Variants in RGSL1 observed in about 807,000 individuals in gnomAD.
The protein encoded by RGSL1 is regulator of G protein signaling like 1.
A neutral mutation model predicts 124.7 loss-of-function variants in RGSL1; 97 were observed. That is an observed-to-expected ratio of 0.78 (90% CI 0.66 to 0.92). The LOEUF is 0.92. Among genes scored for constraint, RGSL1 ranks in the 40% least tolerant of loss-of-function variants. RGSL1 has a pLI of 0.00. For synonymous variants in RGSL1, 424 were observed against 438.1 expected, an observed-to-expected ratio of 0.97 and a Z score of 0.40; for missense variants, 1,233 against 1,288.4, an observed-to-expected ratio of 0.96 and a Z score of 0.66.
intron 9 of RGSL1, among the ~76,000 whole-genome samples, chr1:182,517,453 T>A (rs1456533127): frequency 1.3e-5 from 2 of 152,116 alleles, no homozygotes; most frequent in East Asian, 1.9e-4. Context: ...TATTTTTTTT[T>A]AAATAAATCT....
At chr1:182,548,670 G>A in intron 16 of RGSL1, 30 bp from the exon 17 acceptor site, 3 of 1,550,300 alleles carry the variant, frequency 1.9e-6, no homozygotes, top group Non-Finnish European at 2.6e-6. Context: ...TGGAGCCTCT[G>A]CCAGTGACAG....
At chr1:182,449,009 ACT>A (rs1651637197), upstream of RGSL1, among the ~76,000 whole-genome samples, 1 of 152,052 alleles carries the variant, frequency 6.6e-6, no homozygotes, top group Non-Finnish European at 1.5e-5. Flanking sequence ...GGAGACCTTG[ACT>A]CTATTTATTT....
Position 182,556,114 on chromosome 1 carries a change from A to G in RGSL1, c.*57A>G. ...CTCTTAGAGGCCTCCTAACACTGAC[A>G]GAAACTTTTCTGGTCAAAAATGAAA... On this transcript the variant is annotated 3_prime_UTR_variant, in exon 21 of 22. Transcript: ENST00000294854. 1 of 1,491,248 alleles carries G rather than the reference A, an allele frequency of 6.7e-7. No homozygotes were observed. Among genetic ancestry groups the G allele is most frequent in the Non-Finnish European group, 9.1e-7 (1 of 1,101,146 alleles). 92.4% of individuals were successfully genotyped at this position (1,491,248 alleles called of 1,614,324 possible). A position where few individuals can be genotyped will look rare whatever the true frequency, so the allele number is the denominator to read the frequency against.
chr1:182,529,077 T>C (rs1449825543), intron 11 of RGSL1, among the ~76,000 whole-genome samples: 1 of 152,194 alleles, frequency 6.6e-6, no homozygotes, highest in Admixed American at 6.5e-5. Context: ...ATGGGGATTA[T>C]TACAATTCAA....
chr1:182,450,334 T>TC, intron 1 of RGSL1, 156 bp downstream of exon 1: 1 of 790,076 alleles, frequency 1.3e-6, no homozygotes, highest in Non-Finnish European at 2.1e-6. Flanking sequence ...TTCTCCTTCT[T>TC]CCCCTTCCTC....
intron 12 of RGSL1, among the ~76,000 whole-genome samples, 177 bp downstream of exon 12, chr1:182,530,538 T>TACACACACACACACACACACACAC (rs34247322): frequency 6.7e-6 from 1 of 149,140 alleles, no homozygotes; most frequent in Non-Finnish European, 1.5e-5. Context: ...CACACACACA[T>TACACACACACACACACACACACAC]ACACACACAC....
At chr1:182,541,444 T>C (rs1249622431) in intron 15 of RGSL1, among the ~76,000 whole-genome samples, 3 of 152,224 alleles carry the variant, frequency 2.0e-5, no homozygotes, top group Non-Finnish European at 4.4e-5. Context: ...ATTGTGTATC[T>C]GTATACACCA....
chr1:182,558,295 G>A (rs1660978379), intron 21 of RGSL1, among the ~76,000 whole-genome samples: 1 of 152,102 alleles, frequency 6.6e-6, no homozygotes, highest in Admixed American at 6.5e-5. Context: ...AGATCCAGGG[G>A]CCACTGCCGT....
At position 182,551,120 on chromosome 1, in the gene RGSL1, C is replaced by A; in HGVS notation, c.2954C>A (p.Thr985Asn). Residue 985 changes from threonine to asparagine, a missense_variant, in exon 18 of 22, where the codon ACC becomes AAC. Thr to Asn is a moderately conservative substitution (Grantham distance 65). Coordinates refer to ENST00000294854, the MANE Select transcript of RGSL1 (RefSeq NM_001137669.2). ...FWKRFCFWKA[T>N]RSYLQYRGKK... ...CACAGGTTTTGTTTCTGGAAGGCAA[C>A]CCGCTCTTACTTACAGTATAGGGGG... The A allele has an allele frequency of 6.4e-7, 1 of 1,551,666 alleles. No homozygotes were observed. The highest frequency in any genetic ancestry group is 8.7e-7 in the Non-Finnish European group (1 of 1,146,964).
chr1:182,502,420 T>G (rs1000458385), intron 9 of RGSL1, among the ~76,000 whole-genome samples: 3 of 152,070 alleles, frequency 2.0e-5, no homozygotes, highest in Non-Finnish European at 4.4e-5. Flanking sequence ...TACAAAAAAT[T>G]AAAAAATTAA....
chr1:182,472,498 T>C lies in RGSL1; in HGVS notation c.404T>C (p.Leu135Pro), dbSNP rs1321294608. ...RDYYLSLLLM[L>P]RATHLQEGSR... Reference sequence around the variant, plus strand: ...TACTACCTGTCCCTCCTCCTCATGCTGAGGGCCACTCATCTGCAGGAGGGC... The same window carrying C: ...TACTACCTGTCCCTCCTCCTCATGCCGAGGGCCACTCATCTGCAGGAGGGC... Residue 135 changes from leucine (L) to proline (P), a missense_variant, in exon 5 of 22, where the codon CTG becomes CCG. Coordinates refer to ENST00000294854, the MANE Select transcript of RGSL1 (RefSeq NM_001137669.2). 2 of 1,550,862 alleles carry C rather than the reference T, an allele frequency of 1.3e-6. No homozygotes were observed. The highest frequency in any genetic ancestry group is 4.9e-5 in the East Asian group (2 of 40,920).
At chr1:182,544,086 ATT>A (rs1660058323) in intron 15 of RGSL1, among the ~76,000 whole-genome samples, 1 of 151,918 alleles carries the variant, frequency 6.6e-6, no homozygotes, top group South Asian at 2.1e-4. Context: ...TGAGGGCAAC[ATT>A]AGGTTGTTTA....
chr1:182,449,590 G>C (rs547202412), upstream of RGSL1, among the ~76,000 whole-genome samples: 1 of 152,182 alleles, frequency 6.6e-6, no homozygotes, highest in Non-Finnish European at 1.5e-5. Flanking sequence ...AGCCTGAAGA[G>C]TCTTCAGAGG....
intron 21 of RGSL1, among the ~76,000 whole-genome samples, chr1:182,556,946 T>A (rs979242615): frequency 4.1e-4 from 63 of 152,202 alleles, no homozygotes; most frequent in African/African-American, 1.5e-3. Context: ...ACTGGAAAGC[T>A]TTTTGGAGAA....
rs1465446260 is a variant in RGSL1 at position 182,553,505 on chromosome 1, C to G, written c.3094C>G (p.Gln1032Glu). Residue 1032 changes from glutamine to glutamate, a missense_variant, in exon 19 of 22, where the codon CAG becomes GAG. Coordinates refer to ENST00000294854, the MANE Select transcript of RGSL1 (RefSeq NM_001137669.2). ...CTTGCTCAGAGGTATTGAGTGGTTG[C>G]AGCCTCAACGGGAAGCAATAAGTTC... ...FTLLRGIEWL[Q>E]PQREAISSVQ... 3 of 1,551,978 alleles carry G rather than the reference C, an allele frequency of 1.9e-6. No homozygotes were observed. In the East Asian group the frequency reaches 7.3e-5, roughly 38 times the overall value.
chr1:182,471,367 C>G, intron 4 of RGSL1: 1 of 457,512 alleles, frequency 2.2e-6, no homozygotes, highest in Non-Finnish European at 4.4e-6. Flanking sequence ...GCTTCTATTC[C>G]TACCTCACAG....
chr1:182,534,006 G>T (rs903759578), intron 14 of RGSL1, among the ~76,000 whole-genome samples: 2 of 152,222 alleles, frequency 1.3e-5, no homozygotes, highest in African/African-American at 4.8e-5. Context: ...AGAGATTAAT[G>T]AGATGGGGCA....
intron 2 of RGSL1, 72 bp downstream of exon 2, chr1:182,454,112 C>CT (rs1321912117): frequency 1.2e-5 from 11 of 891,122 alleles, no homozygotes; most frequent in African/African-American, 1.0e-4. Flanking sequence ...AGCTGAGTGA[C>CT]TTTTTTTGTT....
At chr1:182,490,925 T>TC (rs1023246615) in intron 8 of RGSL1, among the ~76,000 whole-genome samples, 1 of 150,328 alleles carries the variant, frequency 6.7e-6, no homozygotes, top group African/African-American at 2.5e-5. Flanking sequence ...CTTTTTTTTT[T>TC]TTTTTTTTGA....
Sources: gnomAD v4.1 joint callset for allele counts (sites outside exome capture counted in the v4.1 genomes callset) on GRCh38, gnomAD v4.1.1 for gene constraint, MANE v1.5 for transcripts, NCBI Gene and HGNC (gene_info 2026-07-23, HGNC 2026-07-21) for gene names.